Variants in ADGRL3 observed in about 807,000 individuals in gnomAD.
ADGRL3 encodes the protein adhesion G protein-coupled receptor L3.
In ADGRL3, 62 loss-of-function variants were observed where a neutral mutation model predicts 153.5. The observed-to-expected ratio is 0.40, with a 90% CI of 0.33 to 0.50. ADGRL3 has a LOEUF of 0.50. Ranked by LOEUF, ADGRL3 falls within the 20% of genes least tolerant of loss-of-function variation. The probability of loss-of-function intolerance (pLI) is 0.47; values close to 1 mark genes in which losing one functional copy is unlikely to be tolerated. For synonymous variants in ADGRL3, 710 were observed against 672.5 expected, an observed-to-expected ratio of 1.06 and a Z score of -0.86; for missense variants, 1,641 against 1,859.4, an observed-to-expected ratio of 0.88 and a Z score of 2.16.
chr4:61,624,660 G>C (rs2092725091), intron 5 of ADGRL3, among the ~76,000 whole-genome samples: 1 of 151,926 alleles, frequency 6.6e-6, no homozygotes. Context: ...AGTCCATAAA[G>C]TCATTTTATA....
At chr4:61,939,095 A>C (rs2098857528) in intron 15 of ADGRL3, among the ~76,000 whole-genome samples, 1 of 152,126 alleles carries the variant, frequency 6.6e-6, no homozygotes, top group Non-Finnish European at 1.5e-5. Context: ...ATAGAGGATT[A>C]GATTTAAGAG....
chr4:61,836,980 A>G (rs548618905), intron 9 of ADGRL3, among the ~76,000 whole-genome samples: 1 of 152,278 alleles, frequency 6.6e-6, no homozygotes, highest in Admixed American at 6.5e-5. Flanking sequence ...TGGCAATTCT[A>G]AACCTGGTAC....
intron 9 of ADGRL3, among the ~76,000 whole-genome samples, chr4:61,873,374 T>A (rs2098456726): frequency 6.6e-6 from 1 of 152,230 alleles, no homozygotes; most frequent in Admixed American, 6.5e-5. Flanking sequence ...AATTCAAGCG[T>A]GCAATTGAGA....
chr4:62,017,062 A>G (rs774795741), intron 21 of ADGRL3, among the ~76,000 whole-genome samples: 10 of 152,086 alleles, frequency 6.6e-5, no homozygotes, highest in Non-Finnish European at 8.8e-5. Context: ...ATTGAACATT[A>G]TTAAATAGAT....
At chr4:61,499,460 A>G (rs2098359232) in intron 3 of ADGRL3, among the ~76,000 whole-genome samples, 1 of 152,188 alleles carries the variant, frequency 6.6e-6, no homozygotes, top group Non-Finnish European at 1.5e-5. Context: ...ATGCTTTTCT[A>G]ATTATCCATA....
At chr4:61,305,487 C>G (rs1385720301) in intron 1 of ADGRL3, among the ~76,000 whole-genome samples, 1 of 152,232 alleles carries the variant, frequency 6.6e-6, no homozygotes, top group South Asian at 2.1e-4. Flanking sequence ...GTAGGAAACA[C>G]TGGAGTTGGA....
chr4:61,458,921 C>T (rs2097781463), intron 2 of ADGRL3, among the ~76,000 whole-genome samples: 1 of 151,270 alleles, frequency 6.6e-6, no homozygotes, highest in South Asian at 2.1e-4. Context: ...TTCTATAAAG[C>T]ATTTAACACA....
At chr4:61,438,873 A>G (rs905853430) in intron 2 of ADGRL3, among the ~76,000 whole-genome samples, 8 of 151,646 alleles carry the variant, frequency 5.3e-5, no homozygotes, top group Non-Finnish European at 1.2e-4. Flanking sequence ...ACGCCCGGCT[A>G]ATTTTTTGTA....
At chr4:61,514,609 G>A (rs140382446) in intron 3 of ADGRL3, among the ~76,000 whole-genome samples, 258 of 152,084 alleles carry the variant, frequency 1.7e-3, no homozygotes, top group African/African-American at 6.1e-3. Flanking sequence ...GTCACCCATT[G>A]GATTTCTTTT....
intron 2 of ADGRL3, among the ~76,000 whole-genome samples, chr4:61,417,603 A>AT (rs60812302): frequency 2.0e-5 from 3 of 151,388 alleles, no homozygotes; most frequent in African/African-American, 7.3e-5. Flanking sequence ...GTTTGAGGTG[A>AT]TTTTTTTTGT....
At chr4:61,497,421 C>A in intron 3 of ADGRL3, 73 bp downstream of exon 3, 1 of 903,362 alleles carries the variant, frequency 1.1e-6, no homozygotes, top group Non-Finnish European at 1.7e-6. Context: ...TCCTTGGGAT[C>A]TTTTCTCTGA....
intron 2 of ADGRL3, among the ~76,000 whole-genome samples, chr4:61,432,479 C>A (rs939821095): frequency 2.6e-5 from 4 of 152,060 alleles, no homozygotes. Flanking sequence ...CTTACTTATT[C>A]TTGGCATAGG....
intron 8 of ADGRL3, among the ~76,000 whole-genome samples, chr4:61,782,816 T>G (rs7667861): frequency 0.033 from 4,958 of 152,278 alleles, 114 homozygotes; most frequent in Non-Finnish European, 0.052. Flanking sequence ...TATTTGAGCT[T>G]TCTAGCCCAG....
rs533613205 is a variant in ADGRL3 at position 61,767,686 on chromosome 4, T to C, written c.1399+34132T>C. ...AGTGGGGTCCCACACAGATGGGACG[T>C]GGCTTAGGAGGAATCCTGGGCTGCG... On this transcript the variant is annotated intron_variant, in intron 8 of 26. Coordinates refer to ENST00000683033, the MANE Select transcript of ADGRL3 (RefSeq NM_001387552.1). Among the ~76,000 whole-genome samples, 4 of 152,250 alleles carry C rather than the reference T, an allele frequency of 2.6e-5. No homozygotes were observed. The South Asian group carries it at 6.2e-4, about 24-fold the overall frequency.
At chr4:61,979,904 C>A (rs750926862) in intron 18 of ADGRL3, 132 bp downstream of exon 18, 13 of 784,952 alleles carry the variant, frequency 1.7e-5, no homozygotes, top group Middle Eastern at 2.5e-4. Context: ...AATTTTCAGG[C>A]CTTACTCAGT....
At position 62,072,885 on chromosome 4, in the gene ADGRL3, G is replaced by A. The variant is rs1274912099; in HGVS notation, c.*1977G>A. ...CCCTCAATTTGCTAAAAGCTGCAAAGAGAATATTCATTTTATAAAGATATA... is the reference window on the plus strand; with the variant it reads ...CCCTCAATTTGCTAAAAGCTGCAAAAAGAATATTCATTTTATAAAGATATA... On this transcript the variant is annotated 3_prime_UTR_variant, in exon 27 of 27. Transcript: ENST00000683033. The A allele has an allele frequency of 3.9e-5, 6 of 152,118 alleles. No individual in the cohort carries two copies. The highest frequency in any genetic ancestry group is 2.0e-4 in the Admixed American group (3 of 15,260). 9.4% of individuals were successfully genotyped at this position (152,118 alleles called of 1,614,324 possible).
chr4:61,916,070 T>C (rs1027219490), intron 13 of ADGRL3, among the ~76,000 whole-genome samples: 6 of 152,164 alleles, frequency 3.9e-5, no homozygotes, highest in Non-Finnish European at 8.8e-5. Context: ...TTTTAACCTT[T>C]TGTTTATCTC....
intron 9 of ADGRL3, among the ~76,000 whole-genome samples, chr4:61,835,805 C>T (rs2148926352): frequency 6.6e-6 from 1 of 152,270 alleles, no homozygotes; most frequent in Non-Finnish European, 1.5e-5. Context: ...AAGAATTGAA[C>T]CTGGGCCACC....
intron 8 of ADGRL3, among the ~76,000 whole-genome samples, chr4:61,783,827 G>A (rs1580808282): frequency 6.6e-6 from 1 of 151,976 alleles, no homozygotes; most frequent in East Asian, 1.9e-4. Context: ...GCATCATGTG[G>A]ATTTATTTTT....
Sources: gnomAD v4.1 joint callset for allele counts (sites outside exome capture counted in the v4.1 genomes callset) on GRCh38, gnomAD v4.1.1 for gene constraint, MANE v1.5 for transcripts, NCBI Gene and HGNC (gene_info 2026-07-23, HGNC 2026-07-21) for gene names.